COQ3: variants seen among roughly 807,000 people sequenced by gnomAD.
The protein encoded by COQ3 is ubiquinone biosynthesis O-methyltransferase, mitochondrial.
In COQ3, 29 loss-of-function variants were observed where a neutral mutation model predicts 33.1. The ratio of observed to expected loss-of-function variants is 0.88; its 90% CI spans 0.65 to 1.19. COQ3 has a LOEUF of 1.19. Ranked by LOEUF, COQ3 falls within the 50% of genes most tolerant of loss-of-function variation. COQ3 has a pLI of 0.00. For synonymous variants in COQ3, 173 were observed against 157.8 expected, an observed-to-expected ratio of 1.10 and a Z score of -0.72; for missense variants, 437 against 430.7, an observed-to-expected ratio of 1.01 and a Z score of -0.13.
intron 3 of COQ3, among the ~76,000 whole-genome samples, chr6:99,379,062 C>T (rs1163503216): frequency 1.3e-5 from 2 of 150,080 alleles, no homozygotes; most frequent in African/African-American, 2.4e-5. Flanking sequence ...ATGTGCACAC[C>T]GTGCAGGTTT....
At chr6:99,391,341 C>T (rs1440401629) in intron 1 of COQ3, among the ~76,000 whole-genome samples, 2 of 151,610 alleles carry the variant, frequency 1.3e-5, no homozygotes, top group East Asian at 1.9e-4. Context: ...TGAGCTCAAG[C>T]GATCCACCTG....
chr6:99,369,645 A>G lies in COQ3; in HGVS notation c.1065T>C (p.Ala355=), dbSNP rs376347241. 18 of 1,614,074 alleles carry G rather than the reference A, an allele frequency of 1.1e-5. No individual in the cohort carries two copies. The African/African-American group carries it at 1.3e-4, about 12-fold the overall frequency. ...GCACAGCTGGATTGGTGCAGGCATTAGCTTGGAGCTCTTCTGTTTCTCCCT... is the reference window on the plus strand; with the variant it reads ...GCACAGCTGGATTGGTGCAGGCATTGGCTTGGAGCTCTTCTGTTTCTCCCT... ...VLKGETEELQ[A]NACTNPAVHE... is the part of the protein sequence containing the mutation. The change falls in exon 7 of 7, where the codon GCT becomes GCC. Residue 355 remains alanine (A), a synonymous_variant. Transcript: ENST00000254759.
chr6:99,380,121 AAATG>A, intron 3 of COQ3, 64 bp downstream of exon 3: 1 of 1,484,746 alleles, frequency 6.7e-7, no homozygotes, highest in Non-Finnish European at 9.2e-7. Context: ...ACTAAGAAAA[AAATG>A]AATGTGAAAT....
At chr6:99,370,311 ACTTTCTTTTCTTT>A (rs1218872938) in intron 6 of COQ3, among the ~76,000 whole-genome samples, 1 of 135,458 alleles carries the variant, frequency 7.4e-6, no homozygotes, top group East Asian at 2.2e-4. Context: ...TTTTTTTCCT[ACTTTCTTTTCTTT>A]CTTTCTTTTC....
At chr6:99,391,782 T>G (rs1267175081) in intron 1 of COQ3, among the ~76,000 whole-genome samples, 2 of 152,122 alleles carry the variant, frequency 1.3e-5, no homozygotes, top group Non-Finnish European at 2.9e-5. Context: ...GCGGCCTGCT[T>G]GAGCCCAGGA....
intron 1 of COQ3, among the ~76,000 whole-genome samples, chr6:99,390,038 C>T (rs28688140): frequency 5.3e-5 from 8 of 151,954 alleles, no homozygotes; most frequent in South Asian, 2.1e-4. Context: ...CACTTGAACC[C>T]GGGAGGTGGA....
intron 4 of COQ3, 107 bp from the exon 5 acceptor site, chr6:99,376,289 C>T: frequency 8.6e-7 from 1 of 1,158,660 alleles, no homozygotes; most frequent in Admixed American, 2.5e-5. Flanking sequence ...GTGATAAATA[C>T]TGGACATCAT....
At chr6:99,379,304 T>G (rs1020094960) in intron 3 of COQ3, among the ~76,000 whole-genome samples, 6 of 152,182 alleles carry the variant, frequency 3.9e-5, no homozygotes, top group Admixed American at 1.3e-4. Context: ...ATTCATCACG[T>G]TAAGTGAGAA....
At chr6:99,388,063 C>CT (rs1774704676) in intron 1 of COQ3, among the ~76,000 whole-genome samples, 1 of 152,088 alleles carries the variant, frequency 6.6e-6, no homozygotes, top group South Asian at 2.1e-4. Context: ...ACTCGGGAGG[C>CT]TGAGGCAGGA....
In COQ3 at chr6:99,380,323, C is replaced by A. The variant is rs1273881614; in HGVS notation, c.252G>T (p.Leu84=). The part of the protein sequence containing the change: ...IKSFRYPWAR[L]YSTSQTTVDS... ...CGACAGTGGTTTGGGAAGTACTGTA[C>A]AGTCTCGCCCAAGGGTACCTAAAAG... The change falls in exon 3 of 7, where the codon CTG becomes CTT. Residue 84 remains leucine (L), a synonymous_variant. Coordinates refer to ENST00000254759, the MANE Select transcript of COQ3 (RefSeq NM_017421.4). 3 of 1,613,732 alleles carry A rather than the reference C, an allele frequency of 1.9e-6. No homozygotes were observed. The Admixed American group carries it at 5.0e-5, about 27-fold the overall frequency.
chr6:99,376,034 G>A lies in COQ3; in HGVS notation c.635C>T (p.Thr212Ile). The change falls in exon 5 of 7, where the codon ACT becomes ATT. Residue 212 changes from threonine to isoleucine, a missense_variant. Coordinates refer to ENST00000254759, the MANE Select transcript of COQ3 (RefSeq NM_017421.4). ...TACAACAGCATCAAATGTTTCTGCA[G>A]TCTCTTCCACAATCTCTTCCAGGGA... is the stretch of plus-strand genomic sequence containing the variant. ...VCSLEEIVEE[T>I]AETFDAVVAS... 1.2e-6 allele frequency: 2 copies of A among 1,614,048 alleles called. No individual in the cohort carries two copies. The highest frequency in any genetic ancestry group is 1.7e-6 in the Non-Finnish European group (2 of 1,179,942).
intron 1 of COQ3, among the ~76,000 whole-genome samples, chr6:99,388,891 GCACACA>G (rs59478225): frequency 0.052 from 5,550 of 106,262 alleles, 218 homozygotes; most frequent in African/African-American, 0.12. Flanking sequence ...ATGTATACAC[GCACACA>G]CACACACACA....
intron 6 of COQ3, 100 bp downstream of exon 6, chr6:99,371,328 G>T: frequency 2.9e-6 from 2 of 692,296 alleles, no homozygotes; most frequent in Non-Finnish European, 4.7e-6. Context: ...AAACATAGTG[G>T]CCTATTTTAT....
chr6:99,375,648 G>C (rs1774261408), intron 5 of COQ3, among the ~76,000 whole-genome samples: 1 of 152,094 alleles, frequency 6.6e-6, no homozygotes, highest in African/African-American at 2.4e-5. Flanking sequence ...GCCTCCCAAA[G>C]TGCTGGGATT....
chr6:99,388,894 C>T (rs1464380034), intron 1 of COQ3, among the ~76,000 whole-genome samples: 2 of 5,886 alleles, frequency 3.4e-4, no homozygotes, highest in Non-Finnish European at 6.5e-4. Context: ...TATACACGCA[C>T]ACACACACAC....
At chr6:99,384,756 A>G (rs1774570300) in intron 1 of COQ3, among the ~76,000 whole-genome samples, 1 of 152,194 alleles carries the variant, frequency 6.6e-6, no homozygotes, top group Non-Finnish European at 1.5e-5. Context: ...ACCAGAAACA[A>G]AGAGGGGCAT....
rs1774145977 is a variant in COQ3 at position 99,371,573 on chromosome 6, T to A, written c.744A>T (p.Leu248Phe). 1.9e-6 allele frequency: 3 copies of A among 1,597,298 alleles called. No individual in the cohort carries two copies. The highest frequency in any genetic ancestry group is 1.7e-6 in the Non-Finnish European group (2 of 1,172,284). ...CCQVLKPGGS[L>F]FITTINKTQL... ...GTGTTTTGTTGATTGTAGTAATGAA[T>A]AAAGAACCACCGGGCTAAAAGAAAT... Residue 248 changes from leucine (L) to phenylalanine (F), a missense_variant, in exon 6 of 7, where the codon TTA becomes TTT. Coordinates refer to ENST00000254759, the MANE Select transcript of COQ3 (RefSeq NM_017421.4).
chr6:99,393,840 G>A (rs956669055), intron 1 of COQ3, among the ~76,000 whole-genome samples: 7 of 152,210 alleles, frequency 4.6e-5, no homozygotes, highest in Non-Finnish European at 1.0e-4. Context: ...AGAGACCCGC[G>A]GCCTGCGCTT....
At chr6:99,385,247 G>C (rs1173115800) in intron 1 of COQ3, among the ~76,000 whole-genome samples, 1 of 152,126 alleles carries the variant, frequency 6.6e-6, no homozygotes, top group Non-Finnish European at 1.5e-5. Context: ...TAGAACCACT[G>C]GATAGAAAAC....
Sources: gnomAD v4.1 joint callset for allele counts (sites outside exome capture counted in the v4.1 genomes callset) on GRCh38, gnomAD v4.1.1 for gene constraint, MANE v1.5 for transcripts, NCBI Gene and HGNC (gene_info 2026-07-23, HGNC 2026-07-21) for gene names.